ADAMTS12: variants seen among roughly 807,000 people sequenced by gnomAD.
ADAMTS12 encodes the protein ADAM metallopeptidase with thrombospondin type 1 motif 12, also known as A disintegrin and metalloproteinase with thrombospondin motifs 12.
Under a neutral mutation model 167.8 loss-of-function variants are expected in ADAMTS12, and 118 were observed. The ratio of observed to expected loss-of-function variants is 0.70; its 90% CI spans 0.61 to 0.82. The LOEUF (loss-of-function observed/expected upper bound fraction) is 0.82, where lower values mean the gene tolerates loss of function less well. ADAMTS12 is among the 40% of genes least tolerant of loss of function. The pLI is 0.00. For missense variants in ADAMTS12, 1,916 were observed against 1,998.8 expected, an observed-to-expected ratio of 0.96 and a Z score of 0.79; for synonymous variants, 704 against 716.9, an observed-to-expected ratio of 0.98 and a Z score of 0.29.
At chr5:33,586,567 A>G (rs530091737) in intron 18 of ADAMTS12, among the ~76,000 whole-genome samples, 1 of 152,362 alleles carries the variant, frequency 6.6e-6, no homozygotes, top group Admixed American at 6.5e-5. Context: ...GCTTCCCATA[A>G]ACGTGAACAC....
chr5:33,572,625 A>G (rs1746444051), intron 19 of ADAMTS12, among the ~76,000 whole-genome samples: 1 of 132,940 alleles, frequency 7.5e-6, no homozygotes, highest in Admixed American at 7.9e-5. Context: ...ATCTATGACA[A>G]ACCCACAGCC....
At chr5:33,704,359 C>T (rs1056625547) in intron 3 of ADAMTS12, among the ~76,000 whole-genome samples, 10 of 152,268 alleles carry the variant, frequency 6.6e-5, no homozygotes, top group African/African-American at 2.4e-4. Context: ...TTTGAATGTA[C>T]ACCCAGAAGC....
At chr5:33,863,081 A>G (rs1420327354) in intron 2 of ADAMTS12, among the ~76,000 whole-genome samples, 6 of 152,232 alleles carry the variant, frequency 3.9e-5, no homozygotes, top group Admixed American at 1.3e-4. Context: ...CCCACAGCCA[A>G]TATCATACTG....
At position 33,610,408 on chromosome 5, in the gene ADAMTS12, T is replaced by C. The variant is rs552754950; in HGVS notation, c.2527+3830A>G. Among the ~76,000 whole-genome samples, 3 of 152,256 alleles carry C rather than the reference T, an allele frequency of 2.0e-5. No individual in the cohort carries two copies. In the East Asian group the frequency reaches 5.8e-4, roughly 29 times the overall value. On this transcript the variant is annotated intron_variant, in intron 16 of 23. Transcript: ENST00000504830. ...CCAGTTTCACAAACATAGAATGTCA[T>C]TGAAAAGAATGTAGTATGACCTAAC...
At chr5:33,614,398 A>G in intron 15 of ADAMTS12, 22 bp from the exon 16 acceptor site, 1 of 1,613,036 alleles carries the variant, frequency 6.2e-7, no homozygotes, top group East Asian at 2.2e-5. Context: ...GAGAGGGGTC[A>G]TGTCAAACTG....
chr5:33,718,730 A>C (rs1437731315), intron 3 of ADAMTS12, among the ~76,000 whole-genome samples: 6 of 152,210 alleles, frequency 3.9e-5, no homozygotes, highest in Non-Finnish European at 7.3e-5. Context: ...TGGGGGCCGC[A>C]AACTGGTCAC....
At chr5:33,730,242 A>T (rs1744137071) in intron 3 of ADAMTS12, among the ~76,000 whole-genome samples, 1 of 151,282 alleles carries the variant, frequency 6.6e-6, no homozygotes, top group South Asian at 2.1e-4. Context: ...TATAAGTATC[A>T]CTATTGTATA....
intron 19 of ADAMTS12, among the ~76,000 whole-genome samples, chr5:33,563,488 A>AGGGT (rs1326782443): frequency 2.0e-5 from 3 of 152,160 alleles, no homozygotes; most frequent in African/African-American, 7.2e-5. Flanking sequence ...AGGGCTCATT[A>AGGGT]CACCTAGTGA....
chr5:33,545,862 G>C (rs1017995137), intron 22 of ADAMTS12, among the ~76,000 whole-genome samples, 197 bp downstream of exon 22: 5 of 151,734 alleles, frequency 3.3e-5, no homozygotes, highest in Admixed American at 3.3e-4. Flanking sequence ...GGCCTGTCGG[G>C]GGGTGGGGGG....
chr5:33,561,570 C>G (rs548013588), intron 19 of ADAMTS12, among the ~76,000 whole-genome samples: 5 of 152,266 alleles, frequency 3.3e-5, no homozygotes, highest in African/African-American at 1.2e-4. Flanking sequence ...ATCCTTTGAG[C>G]CCAGGAGTTT....
At chr5:33,811,252 T>C (rs1441287338) in intron 2 of ADAMTS12, among the ~76,000 whole-genome samples, 2 of 152,184 alleles carry the variant, frequency 1.3e-5, no homozygotes, top group African/African-American at 4.8e-5. Context: ...TTTAAATTGC[T>C]TCAAAATCCC....
At chr5:33,565,809 C>T (rs758074263) in intron 19 of ADAMTS12, among the ~76,000 whole-genome samples, 2 of 151,354 alleles carry the variant, frequency 1.3e-5, no homozygotes, top group Non-Finnish European at 2.9e-5. Context: ...TGTTAATTAA[C>T]CTTTGAGCTC....
chr5:33,647,067 A>AC (rs1740696125), intron 9 of ADAMTS12, among the ~76,000 whole-genome samples: 1 of 152,178 alleles, frequency 6.6e-6, no homozygotes, highest in African/African-American at 2.4e-5. Context: ...AGATGAAAAT[A>AC]TGAAGGAGAG....
chr5:33,788,387 G>A (rs899739631), intron 2 of ADAMTS12, among the ~76,000 whole-genome samples: 1 of 151,962 alleles, frequency 6.6e-6, no homozygotes, highest in Non-Finnish European at 1.5e-5. Context: ...TGTACCAAGA[G>A]GGAACGAAAG....
chr5:33,760,920 T>TGTGCGCGC (rs1323504319), intron 2 of ADAMTS12, among the ~76,000 whole-genome samples: 5 of 146,162 alleles, frequency 3.4e-5, no homozygotes, highest in African/African-American at 1.3e-4. Flanking sequence ...TGTGTGTGTG[T>TGTGCGCGC]GCGTATGCGC....
At chr5:33,590,897 C>CCTT (rs1365590481) in intron 17 of ADAMTS12, among the ~76,000 whole-genome samples, 1 of 128,298 alleles carries the variant, frequency 7.8e-6, no homozygotes, top group Non-Finnish European at 1.6e-5. Flanking sequence ...TCTTCTTCTT[C>CCTT]CTTTTTTTTT....
At position 33,525,106 on chromosome 5, in the gene ADAMTS12, C is replaced by G. The variant is rs904978140; in HGVS notation, c.*2082G>C. 1 of 152,138 alleles carries G rather than the reference C, an allele frequency of 6.6e-6. No homozygotes were observed. Among genetic ancestry groups the G allele is most frequent in the East Asian group, 1.9e-4 (1 of 5,188 alleles). 9.4% of individuals were successfully genotyped at this position (152,138 alleles called of 1,614,324 possible). On this transcript the variant is annotated 3_prime_UTR_variant, in exon 24 of 24. Coordinates refer to ENST00000504830, the MANE Select transcript of ADAMTS12 (RefSeq NM_030955.4). ...AATCAATCTAGCTTACTAAATGAAT[C>G]CCCCTGAAAGACTACACTACACTTC... is the stretch of plus-strand genomic sequence containing the variant.
intron 2 of ADAMTS12, among the ~76,000 whole-genome samples, chr5:33,825,000 A>G (rs1160394623): frequency 6.6e-6 from 1 of 152,170 alleles, no homozygotes; most frequent in Non-Finnish European, 1.5e-5. Flanking sequence ...CCATCCCACT[A>G]GAGATGCTGA....
chr5:33,548,069 G>C (rs1335040173), intron 21 of ADAMTS12, among the ~76,000 whole-genome samples: 2 of 152,204 alleles, frequency 1.3e-5, no homozygotes, highest in Non-Finnish European at 2.9e-5. Context: ...TGGCCGGTGG[G>C]TGGTAAGTAA....
Sources: allele counts gnomAD v4.1 joint callset (sites outside exome capture counted in the v4.1 genomes callset), GRCh38; gene constraint gnomAD v4.1.1; transcripts MANE v1.5; gene names NCBI Gene and HGNC (gene_info 2026-07-23, HGNC 2026-07-21).